The following ANKRD46 variants were observed in gnomAD, a reference collection of about 807,000 sequenced individuals.
ANKRD46 encodes the protein ankyrin repeat domain 46.
A neutral mutation model predicts 19.8 loss-of-function variants in ANKRD46; 13 were observed. The observed-to-expected ratio is 0.66, with a 90% CI of 0.43 to 1.04. ANKRD46 has a LOEUF of 1.04. Among genes scored for constraint, ANKRD46 ranks in the 50% least tolerant of loss-of-function variants. ANKRD46 has a pLI of 0.00. For synonymous variants in ANKRD46, 91 were observed against 106.9 expected (o/e 0.85, Z 0.92); for missense variants, 185 against 274.8 (o/e 0.67, Z 2.31).
At position 100,532,274 on chromosome 8, in the gene ANKRD46, C is replaced by T. The variant is rs1420739032; in HGVS notation, c.-28+935G>A. 6.6e-6 allele frequency: 1 copy of T among 152,114 alleles called. No homozygotes were observed. The highest frequency in any genetic ancestry group is 1.5e-5 in the Non-Finnish European group (1 of 68,044). The allele number at this position is 152,114 out of a possible 1,614,324, so 9.4% of individuals were successfully genotyped here. A position where few individuals can be genotyped will look rare whatever the true frequency, so the allele number is the denominator to read the frequency against. On this transcript the variant is annotated intron_variant, in intron 2 of 4. Transcript: ENST00000335659. This position sits in a 1 kb window ranked among gnomAD's most constrained non-coding sequence, Gnocchi z 4.7. ...TGAAGCCCAGGAGTTCGAAACTAGC[C>T]TGGGCAACATAGCGAGAGACCCTGT...
chr8:100,532,194 A>C lies in ANKRD46; in HGVS notation c.-28+1015T>G, dbSNP rs1811977445. Among the ~76,000 whole-genome samples the C allele has an allele frequency of 6.6e-6, 1 of 152,208 alleles. No individual in the cohort carries two copies. Among genetic ancestry groups the C allele is most frequent in the East Asian group, 1.9e-4 (1 of 5,202 alleles). ...ACTTTTTAAAAATCTGGCTGGACAC[A>C]GTGGCTCACACCTGTAATCCCAGTA... On this transcript the variant is annotated intron_variant, in intron 2 of 4. Transcript: ENST00000335659. This position sits in a 1 kb window ranked among gnomAD's most constrained non-coding sequence, Gnocchi z 4.7.
At chr8:100,530,734 T>TA (rs1344655644) in intron 2 of ANKRD46, among the ~76,000 whole-genome samples, 1 of 152,170 alleles carries the variant, frequency 6.6e-6, no homozygotes, top group Non-Finnish European at 1.5e-5. Flanking sequence ...AAACTGAATT[T>TA]AAAAATCAGA....
intron 5 of ANKRD46, among the ~76,000 whole-genome samples, chr8:100,514,359 T>C (rs1018261941): frequency 3.9e-5 from 6 of 152,138 alleles, no homozygotes; most frequent in African/African-American, 1.4e-4. Flanking sequence ...CCAGCAAATA[T>C]TTATCTATTT....
At chr8:100,530,690 C>G (rs1348246979) in intron 2 of ANKRD46, among the ~76,000 whole-genome samples, 2 of 152,050 alleles carry the variant, frequency 1.3e-5, no homozygotes, top group Non-Finnish European at 2.9e-5. Context: ...TGGCCTATAG[C>G]ACAAATTTTA....
chr8:100,557,699 C>T lies in ANKRD46; in HGVS notation c.-131+2012G>A, dbSNP rs1031306732. ...CAAATCTACTGGCCTCCTTGCTGTT[C>T]CTCTCTTGCTGTCCCTCTAACAAGA... is the stretch of plus-strand genomic sequence containing the variant. On this transcript the variant is annotated intron_variant, in intron 1 of 4. Coordinates refer to ENST00000335659, the MANE Select transcript of ANKRD46 (RefSeq NM_001270377.2). The surrounding 1 kb of genome is among the most constrained non-coding windows in gnomAD (Gnocchi z 5.9). Among the ~76,000 whole-genome samples the T allele has an allele frequency of 2.0e-5, 3 of 152,184 alleles. No individual in the cohort carries two copies. The highest frequency in any genetic ancestry group is 1.3e-4 in the Admixed American group (2 of 15,282).
chr8:100,550,219 T>C lies in ANKRD46; in HGVS notation c.-131+9492A>G, dbSNP rs1812356111. Among the ~76,000 whole-genome samples the C allele has an allele frequency of 6.6e-6, 1 of 152,204 alleles. No homozygotes were observed. The highest frequency in any genetic ancestry group is 1.5e-5 in the Non-Finnish European group (1 of 68,034). On this transcript the variant is annotated intron_variant, in intron 1 of 4. Coordinates refer to ENST00000335659, the MANE Select transcript of ANKRD46 (RefSeq NM_001270377.2). The surrounding 1 kb of genome is among the most constrained non-coding windows in gnomAD (Gnocchi z 4.4). ...TGCTGGATGGTAAGAGTATGTTTAG[T>C]TTTTTTAAGAAACCACCAAATTGTC...
chr8:100,522,770 C>A lies in ANKRD46; in HGVS notation c.472G>T (p.Ala158Ser), dbSNP rs1811753239. 6.2e-7 allele frequency: 1 copy of A among 1,613,216 alleles called. No homozygotes were observed. Among genetic ancestry groups the A allele is most frequent in the African/African-American group, 1.3e-5 (1 of 74,726 alleles). ...TTGAGGAGTGAATGGCTTTCCATGG[C>A]ACTGTGGAAGAAGAAAGAGCAAAAA... The part of the protein sequence containing the change: ...ETMQTAESES[A>S]MESHSLLNPN... The change falls in exon 5 of 5, where the codon GCC becomes TCC. Residue 158 changes from alanine to serine, a missense_variant and splice_region_variant. Transcript: ENST00000335659.
chr8:100,532,918 G>A lies in ANKRD46; in HGVS notation c.-28+291C>T, dbSNP rs1811994155. ...AAAAATAGATAATTTAAAAAATCTAGTTGGTGTTTTTGATTCAGACACAGT... is the reference window on the plus strand; with the variant it reads ...AAAAATAGATAATTTAAAAAATCTAATTGGTGTTTTTGATTCAGACACAGT... On this transcript the variant is annotated intron_variant, in intron 2 of 4. Coordinates refer to ENST00000335659, the MANE Select transcript of ANKRD46 (RefSeq NM_001270377.2). This position sits in a 1 kb window ranked among gnomAD's most constrained non-coding sequence, Gnocchi z 4.7. Among the ~76,000 whole-genome samples the A allele has an allele frequency of 6.6e-6, 1 of 152,200 alleles. No homozygotes were observed. Among genetic ancestry groups the A allele is most frequent in the African/African-American group, 2.4e-5 (1 of 41,454 alleles).
Position 100,510,307 on chromosome 8 carries a change from C to G in ANKRD46, c.*270G>C, listed in dbSNP as rs554129666. 5.1e-5 allele frequency: 20 copies of G among 391,298 alleles called. No homozygotes were observed. The highest frequency in any genetic ancestry group is 4.1e-4 in the African/African-American group (20 of 48,920). 24.2% of individuals were successfully genotyped at this position (391,298 alleles called of 1,614,324 possible). On this transcript the variant is annotated 3_prime_UTR_variant, in exon 6 of 6. Coordinates refer to the ANKRD46 transcript ENST00000520552. This position sits in a 1 kb window ranked among gnomAD's most constrained non-coding sequence, Gnocchi z 4.9. ...TGCCTTGTGGAGGTGGCATCCTGCC[C>G]GGGCGGAGGAGGGGATGGTTCCTGG...
downstream of ANKRD46, among the ~76,000 whole-genome samples, chr8:100,519,539 G>A (rs539642091): frequency 2.0e-5 from 3 of 152,292 alleles, no homozygotes; most frequent in East Asian, 3.9e-4. Context: ...GGGGTAAGCC[G>A]TTTTGAATTC....
rs1563926223 is a variant in ANKRD46 at position 100,524,329 on chromosome 8, C to A, written c.471-1558G>T. 6.6e-6 allele frequency among the ~76,000 whole-genome samples: 1 copy of A among 152,198 alleles called. No homozygotes were observed. Among genetic ancestry groups the A allele is most frequent in the East Asian group, 1.9e-4 (1 of 5,200 alleles). On this transcript the variant is annotated intron_variant, in intron 4 of 4. Coordinates refer to ENST00000335659, the MANE Select transcript of ANKRD46 (RefSeq NM_001270377.2). The surrounding 1 kb of genome is among the most constrained non-coding windows in gnomAD (Gnocchi z 4.3). ...CTCCCATAAAACAGTATCTTAGAGT[C>A]TCATTCATTATGAACTATGAATAAA...
At position 100,527,926 on chromosome 8, in the gene ANKRD46, G is replaced by T; in HGVS notation, c.389C>A (p.Ser130Tyr). The T allele has an allele frequency of 6.2e-7, 1 of 1,606,524 alleles. No homozygotes were observed. Among genetic ancestry groups the T allele is most frequent in the Non-Finnish European group, 8.5e-7 (1 of 1,178,348 alleles). Residue 130 changes from serine to tyrosine, a missense_variant, in exon 4 of 5, where the codon TCT (serine) becomes TAT (tyrosine). Coordinates refer to ENST00000335659, the MANE Select transcript of ANKRD46 (RefSeq NM_001270377.2). This position sits in a 1 kb window ranked among gnomAD's most constrained non-coding sequence, Gnocchi z 4.0. ...VNKDVIRLLE[S>Y]LEEQEVKGFN... ...TCCTTTCACCTCCTGTTCTTCCAAAGATTCCAGCAATCGGATGACATCTTT... is the reference window on the plus strand; with the variant it reads ...TCCTTTCACCTCCTGTTCTTCCAAATATTCCAGCAATCGGATGACATCTTT...
chr8:100,520,370 T>C (rs988528764), downstream of ANKRD46, among the ~76,000 whole-genome samples: 1 of 152,160 alleles, frequency 6.6e-6, no homozygotes, highest in African/African-American at 2.4e-5. Context: ...ACAAGCATAA[T>C]TGGGGCTGGA....
Position 100,527,876 on chromosome 8 carries a change from G to GT in ANKRD46, c.438dup (p.Leu147ThrfsTer8). 6.2e-7 allele frequency: 1 copy of GT among 1,613,688 alleles called. No homozygotes were observed. Among genetic ancestry groups the GT allele is most frequent in the Non-Finnish European group, 8.5e-7 (1 of 1,179,838 alleles). ...CTCTCAGCTGTTTGCATGGTCTCCAGTTTCGAGTGGGTTCCTCTGTTAAAT... is the reference window on the plus strand; with the variant it reads ...CTCTCAGCTGTTTGCATGGTCTCCAGTTTTCGAGTGGGTTCCTCTGTTAAAT... On this transcript the variant is annotated frameshift_variant, in exon 4 of 5. Coordinates refer to ENST00000335659, the MANE Select transcript of ANKRD46 (RefSeq NM_001270377.2). LOFTEE classifies it high-confidence loss of function. This position sits in a 1 kb window ranked among gnomAD's most constrained non-coding sequence, Gnocchi z 4.0.
Position 100,550,848 on chromosome 8 carries a change from G to A in ANKRD46, c.-131+8863C>T, listed in dbSNP as rs1007858240. ...GGCAGCCCCAGCATCGAAAGTGGAA[G>A]AGTGAGTGTCACTGTTAAAGTCAGA... On this transcript the variant is annotated intron_variant, in intron 1 of 4. Transcript: ENST00000335659. The surrounding 1 kb of genome is among the most constrained non-coding windows in gnomAD (Gnocchi z 4.4). The A allele has an allele frequency of 4.1e-6, 2 of 482,368 alleles. No homozygotes were observed. Among genetic ancestry groups the A allele is most frequent in the African/African-American group, 3.9e-5 (2 of 50,872 alleles). 29.9% of individuals were successfully genotyped at this position (482,368 alleles called of 1,614,324 possible). A position where few individuals can be genotyped will look rare whatever the true frequency, so the allele number is the denominator to read the frequency against.
Position 100,510,875 on chromosome 8 carries a change from C to T in ANKRD46, c.637-236G>A, listed in dbSNP as rs1811538584. 6.6e-6 allele frequency among the ~76,000 whole-genome samples: 1 copy of T among 152,218 alleles called. No homozygotes were observed. The highest frequency in any genetic ancestry group is 2.1e-4 in the South Asian group (1 of 4,820). ...GATTGGCAAGGACTGTGTTCAATGT[C>T]CTCTCGAGCTAATAATTAAGGTATT... On this transcript the variant is annotated intron_variant, in intron 5 of 5. Transcript: ENST00000520552. This position sits in a 1 kb window ranked among gnomAD's most constrained non-coding sequence, Gnocchi z 4.9.
chr8:100,534,278 C>T lies in ANKRD46; in HGVS notation c.-130-967G>A, dbSNP rs1357706795. On this transcript the variant is annotated intron_variant, in intron 1 of 4. Coordinates refer to ENST00000335659, the MANE Select transcript of ANKRD46 (RefSeq NM_001270377.2). The surrounding 1 kb of genome is among the most constrained non-coding windows in gnomAD (Gnocchi z 4.2). ...TGTAAGTCAGGTTGTATCATAAAGG[C>T]TATCAGTGCTAGGCTGGAACTGATG... is the stretch of plus-strand genomic sequence containing the variant. Among the ~76,000 whole-genome samples the T allele has an allele frequency of 6.6e-6, 1 of 152,210 alleles. No homozygotes were observed. Among genetic ancestry groups the T allele is most frequent in the African/African-American group, 2.4e-5 (1 of 41,456 alleles).
intron 1 of ANKRD46, among the ~76,000 whole-genome samples, chr8:100,538,225 T>G (rs575310739): frequency 9.4e-6 from 1 of 105,988 alleles, no homozygotes; most frequent in Admixed American, 1.0e-4. Flanking sequence ...TAAAAATTTT[T>G]AGGAAATAAA....
intron 1 of ANKRD46, among the ~76,000 whole-genome samples, chr8:100,542,996 A>G (rs1457448255): frequency 1.3e-5 from 2 of 152,202 alleles, no homozygotes; most frequent in South Asian, 2.1e-4. Context: ...CTCAGTTTAC[A>G]TGTGTGTACT....
Sources: gnomAD v4.1 joint callset for allele counts (sites outside exome capture counted in the v4.1 genomes callset) on GRCh38, gnomAD v4.1.1 for gene constraint, Gnocchi (gnomAD v3.1) non-coding constraint, MANE v1.5 for transcripts, NCBI Gene and HGNC (gene_info 2026-07-23, HGNC 2026-07-21) for gene names.